Variants in SPATA6 observed in about 807,000 individuals in gnomAD.
SPATA6 encodes spermatogenesis associated 6.
A neutral mutation model predicts 65.3 loss-of-function variants in SPATA6; 56 were observed. That is an observed-to-expected ratio of 0.86 (90% CI 0.69 to 1.07). SPATA6 has a LOEUF of 1.07. Ranked by LOEUF, SPATA6 falls within the 50% of genes least tolerant of loss-of-function variation. The pLI is 0.00. For missense variants in SPATA6, 590 were observed against 594.8 expected (o/e 0.99, Z 0.08); for synonymous variants, 199 against 213.2 (o/e 0.93, Z 0.58).
chr1:48,342,354 A>T (rs1338498638), intron 11 of SPATA6, among the ~76,000 whole-genome samples: 1 of 152,204 alleles, frequency 6.6e-6, no homozygotes, highest in African/African-American at 2.4e-5. Context: ...AATCAGATAC[A>T]AAAGAATAAA....
intron 11 of SPATA6, among the ~76,000 whole-genome samples, chr1:48,324,555 A>T (rs1301426876): frequency 2.6e-5 from 4 of 152,220 alleles, no homozygotes; most frequent in Non-Finnish European, 5.9e-5. Context: ...AAATCAATCA[A>T]TGTGATACAT....
intron 11 of SPATA6, among the ~76,000 whole-genome samples, chr1:48,344,961 A>G (rs1021113716): frequency 2.0e-5 from 3 of 152,174 alleles, no homozygotes; most frequent in Admixed American, 6.5e-5. Flanking sequence ...TATGAGACAG[A>G]TCGAGACAGA....
At chr1:48,356,080 C>A (rs1018815434) in intron 10 of SPATA6, among the ~76,000 whole-genome samples, 1 of 151,984 alleles carries the variant, frequency 6.6e-6, no homozygotes, top group Non-Finnish European at 1.5e-5. Flanking sequence ...AAAAAAAATA[C>A]CTAATTTTAT....
At chr1:48,439,825 A>AT (rs1655298835) in intron 3 of SPATA6, among the ~76,000 whole-genome samples, 1 of 152,050 alleles carries the variant, frequency 6.6e-6, no homozygotes, top group Non-Finnish European at 1.5e-5. Context: ...GCAGCAGCTT[A>AT]TTTTTTTCTG....
intron 1 of SPATA6, among the ~76,000 whole-genome samples, chr1:48,468,171 C>T (rs901943770): frequency 2.0e-5 from 3 of 152,098 alleles, no homozygotes; most frequent in African/African-American, 4.8e-5. Context: ...TGTCCATCAA[C>T]GAATGAATGG....
the SPATA6 span, among the ~76,000 whole-genome samples, chr1:48,282,262 A>T: frequency 1.7e-3 from 257 of 152,340 alleles, 2 homozygotes; most frequent in African/African-American, 6.0e-3. Context: ...ACCATTCAGG[A>T]CATAGGCATG....
intron 11 of SPATA6, among the ~76,000 whole-genome samples, chr1:48,334,137 G>A (rs912679864): frequency 2.0e-5 from 3 of 151,820 alleles, no homozygotes; most frequent in Non-Finnish European, 4.4e-5. Context: ...ATCAGCAATC[G>A]ATAGCCGACC....
intron 5 of SPATA6, among the ~76,000 whole-genome samples, chr1:48,404,187 C>G (rs1373888286): frequency 6.6e-6 from 1 of 151,930 alleles, no homozygotes; most frequent in Non-Finnish European, 1.5e-5. Flanking sequence ...TATATTATAG[C>G]CATAAATATA....
the SPATA6 span, among the ~76,000 whole-genome samples, chr1:48,284,914 C>A: frequency 7.0e-4 from 107 of 152,252 alleles, no homozygotes; most frequent in African/African-American, 2.5e-3. Flanking sequence ...GGCTCAGGAC[C>A]CACTTGAGGA....
At chr1:48,464,060 C>A (rs1181411578) in intron 1 of SPATA6, among the ~76,000 whole-genome samples, 1 of 151,710 alleles carries the variant, frequency 6.6e-6, no homozygotes, top group Non-Finnish European at 1.5e-5. Flanking sequence ...TAGAAGGGAA[C>A]TGCACTAACT....
chr1:48,359,672 C>G lies in SPATA6; in HGVS notation c.1008G>C (p.Ala336=). ...PRSCSKPRHS[A]RTLLVHSAPS... Reference sequence around the variant, plus strand: ...GTGCTGAATGGACTAGCAAGGTCCTCGCTGAATGCCGGGGCTTACTACACG... The same window carrying G: ...GTGCTGAATGGACTAGCAAGGTCCTGGCTGAATGCCGGGGCTTACTACACG... The change falls in exon 10 of 13, where the codon GCG becomes GCC. Residue 336 remains alanine, a synonymous_variant. Transcript: ENST00000371847. 1 of 1,613,726 alleles carries G rather than the reference C, an allele frequency of 6.2e-7. No homozygotes were observed. Among genetic ancestry groups the G allele is most frequent in the Non-Finnish European group, 8.5e-7 (1 of 1,179,828 alleles).
intron 12 of SPATA6, 55 bp from the exon 13 acceptor site, chr1:48,298,948 G>C: frequency 6.5e-7 from 1 of 1,527,346 alleles, no homozygotes; most frequent in Non-Finnish European, 8.9e-7. Flanking sequence ...ATTAGAGATA[G>C]TACTATGTAA....
chr1:48,342,270 G>A (rs1374199242), intron 11 of SPATA6, among the ~76,000 whole-genome samples: 1 of 152,078 alleles, frequency 6.6e-6, no homozygotes, highest in African/African-American at 2.4e-5. Flanking sequence ...TTGCCTGTGT[G>A]GCATAGTTTG....
chr1:48,421,079 A>G (rs1653283075), intron 3 of SPATA6, among the ~76,000 whole-genome samples: 1 of 152,180 alleles, frequency 6.6e-6, no homozygotes, highest in Non-Finnish European at 1.5e-5. Context: ...CTGATTGATG[A>G]GTACAAGATT....
rs1650950144 is a variant in SPATA6 at position 48,399,514 on chromosome 1, T to C, written c.617A>G (p.Tyr206Cys). 1.2e-6 allele frequency: 2 copies of C among 1,613,118 alleles called. No individual in the cohort carries two copies. The highest frequency in any genetic ancestry group is 2.2e-5 in the East Asian group (1 of 44,856). Residue 206 changes from tyrosine (Y) to cysteine (C), a missense_variant, in exon 7 of 13, where the codon TAC becomes TGC. Transcript: ENST00000371847. Reference protein sequence around the residue: ...RSKYCINAKNYEQPTISSKSH... With the variant: ...RSKYCINAKNCEQPTISSKSH... ...TTTTGAAGAAATTGTAGGCTGTTCG[T>C]AGTTTTTTGCATTTATACAGTATTT...
At chr1:48,400,700 A>G (rs1651081693) in intron 6 of SPATA6, 1 of 1,098,130 alleles carries the variant, frequency 9.1e-7, no homozygotes, top group African/African-American at 1.7e-5. Context: ...GGATACACAG[A>G]AAAGAAAATT....
chr1:48,321,832 A>T (rs1282504750), intron 11 of SPATA6, among the ~76,000 whole-genome samples: 1 of 152,178 alleles, frequency 6.6e-6, no homozygotes, highest in Non-Finnish European at 1.5e-5. Context: ...CAATGGAATA[A>T]AACTGGAAAT....
the SPATA6 span, among the ~76,000 whole-genome samples, chr1:48,265,064 T>C: frequency 3.9e-5 from 6 of 152,322 alleles, no homozygotes; most frequent in East Asian, 1.2e-3. Context: ...AAGATCAAGA[T>C]GAAAGGCTGA....
intron 3 of SPATA6, among the ~76,000 whole-genome samples, chr1:48,442,196 C>CTG (rs1438320139): frequency 5.3e-5 from 8 of 152,176 alleles, no homozygotes; most frequent in African/African-American, 1.7e-4. Context: ...AGCCTCTTCC[C>CTG]CCAGGGACTG....
Sources: allele counts gnomAD v4.1 joint callset (sites outside exome capture counted in the v4.1 genomes callset), GRCh38; gene constraint gnomAD v4.1.1; transcripts MANE v1.5; gene names NCBI Gene and HGNC (gene_info 2026-07-23, HGNC 2026-07-21).